Variants in TENM3 observed in about 807,000 individuals in gnomAD.
The protein encoded by TENM3 is teneurin transmembrane protein 3.
TENM3 carries 63 observed loss-of-function variants against 255.1 expected under a neutral mutation model. The ratio of observed to expected loss-of-function variants is 0.25; its 90% CI spans 0.20 to 0.30. The LOEUF is 0.30. Among genes scored for constraint, TENM3 ranks in the 10% least tolerant of loss-of-function variants. The pLI, the probability that TENM3 is intolerant of heterozygous loss-of-function variation, is 1.00. For missense variants in TENM3, 2,929 were observed against 3,461.1 expected (o/e 0.85, Z 3.86); for synonymous variants, 1,306 against 1,322.3 (o/e 0.99, Z 0.27).
At chr4:182,272,022 C>A (rs991134768) in intron 1 of TENM3, among the ~76,000 whole-genome samples, 1 of 152,204 alleles carries the variant, frequency 6.6e-6, no homozygotes, top group Non-Finnish European at 1.5e-5. Context: ...TGTCTCCACA[C>A]AGCTCTCAAC....
the TENM3 span, among the ~76,000 whole-genome samples, chr4:181,637,997 G>A: frequency 1.3e-5 from 2 of 152,140 alleles, no homozygotes; most frequent in Non-Finnish European, 2.9e-5. Flanking sequence ...CCACACGCAG[G>A]CATTTTCTTG....
chr4:182,279,828 G>T (rs1760257450), intron 1 of TENM3, among the ~76,000 whole-genome samples: 1 of 152,122 alleles, frequency 6.6e-6, no homozygotes, highest in South Asian at 2.1e-4. Flanking sequence ...TGTCCCTGTA[G>T]AATACTTTTG....
In TENM3 at chr4:182,520,288, A is replaced by G. The variant is rs865925321; in HGVS notation, c.512-80636A>G. Reference sequence around the variant, plus strand: ...AAAATCAATTGTATTTCTACATTGTAGCAACAAACAGTCTGAAAACAAAAT... The same window carrying G: ...AAAATCAATTGTATTTCTACATTGTGGCAACAAACAGTCTGAAAACAAAAT... On this transcript the variant is annotated intron_variant, in intron 3 of 27. Coordinates refer to ENST00000511685, the MANE Select transcript of TENM3 (RefSeq NM_001080477.4). Among the ~76,000 whole-genome samples, 120 of 152,300 alleles carry G rather than the reference A, an allele frequency of 7.9e-4. 1 individual carries two copies. The Middle Eastern group carries it at 0.014, about 17-fold the overall frequency.
chr4:182,257,284 T>A (rs1758466150), intron 1 of TENM3, among the ~76,000 whole-genome samples: 1 of 152,202 alleles, frequency 6.6e-6, no homozygotes, highest in Non-Finnish European at 1.5e-5. Flanking sequence ...TGCATTCACG[T>A]GTAACAGATA....
At chr4:182,622,871 A>G (rs188990516) in intron 4 of TENM3, among the ~76,000 whole-genome samples, 11 of 152,348 alleles carry the variant, frequency 7.2e-5, no homozygotes, top group Admixed American at 5.2e-4. Flanking sequence ...TAGAGTTTAC[A>G]TTCTAATGGG....
chr4:182,769,232 C>T (rs1763969648), intron 22 of TENM3, among the ~76,000 whole-genome samples: 1 of 152,124 alleles, frequency 6.6e-6, no homozygotes. Flanking sequence ...CATTGGTTTT[C>T]TTCTTTTGTG....
chr4:182,717,031 A>G (rs528292518), intron 13 of TENM3, among the ~76,000 whole-genome samples: 1 of 147,800 alleles, frequency 6.8e-6, no homozygotes, highest in South Asian at 2.3e-4. Flanking sequence ...AAGAAGAGCA[A>G]AGGAAGTTGC....
At chr4:182,384,503 T>G (rs1767778442) in intron 3 of TENM3, among the ~76,000 whole-genome samples, 1 of 152,178 alleles carries the variant, frequency 6.6e-6, no homozygotes, top group African/African-American at 2.4e-5. Flanking sequence ...AAAGTAGCCC[T>G]TGAACAAGCT....
the TENM3 span, among the ~76,000 whole-genome samples, chr4:181,630,626 A>G: frequency 6.6e-6 from 1 of 152,162 alleles, no homozygotes; most frequent in South Asian, 2.1e-4. Context: ...CAGGTTGTTC[A>G]GTTTCCATGC....
In TENM3 at chr4:182,303,703, A is replaced by T. The variant is rs184892626; in HGVS notation, c.-75-20243A>T. Among the ~76,000 whole-genome samples, 5 of 152,304 alleles carry T rather than the reference A, an allele frequency of 3.3e-5. No individual in the cohort carries two copies. The East Asian group carries it at 7.7e-4, about 24-fold the overall frequency. On this transcript the variant is annotated intron_variant, in intron 1 of 27. Coordinates refer to ENST00000511685, the MANE Select transcript of TENM3 (RefSeq NM_001080477.4). ...GTAAAAACAAGTTATTAAAAGAACC[A>T]ACCTTCTAAGTTTGTTGTAGAATTT...
chr4:181,695,708 C>A, the TENM3 span, among the ~76,000 whole-genome samples: 1 of 152,086 alleles, frequency 6.6e-6, no homozygotes, highest in African/African-American at 2.4e-5. Context: ...ACTTCTAAGC[C>A]AGAACAGACA....
the TENM3 span, among the ~76,000 whole-genome samples, chr4:181,806,124 C>A: frequency 6.6e-6 from 1 of 152,198 alleles, no homozygotes; most frequent in Non-Finnish European, 1.5e-5. Context: ...GTATAAAGAA[C>A]TTGATAAAAT....
chr4:181,650,497 G>A, the TENM3 span, among the ~76,000 whole-genome samples: 551 of 152,214 alleles, frequency 3.6e-3, 4 homozygotes, highest in African/African-American at 0.013. Flanking sequence ...ATTTGGAGAC[G>A]GGGTGTTCAT....
intron 3 of TENM3, among the ~76,000 whole-genome samples, chr4:182,354,622 A>G (rs1195984534): frequency 1.3e-5 from 2 of 152,194 alleles, no homozygotes; most frequent in African/African-American, 4.8e-5. Flanking sequence ...ATACATGATT[A>G]TCTTGTACAT....
chr4:181,799,960 G>A, the TENM3 span, among the ~76,000 whole-genome samples: 1 of 152,156 alleles, frequency 6.6e-6, no homozygotes, highest in Non-Finnish European at 1.5e-5. Context: ...GGAGACAGGC[G>A]AACTGGAAAG....
At chr4:182,736,748 T>C (rs528597412) in intron 16 of TENM3, 60 bp from the exon 17 acceptor site, 1 of 1,427,108 alleles carries the variant, frequency 7.0e-7, no homozygotes, top group South Asian at 1.4e-5. Context: ...TACATAAATA[T>C]ATTTTATCTA....
intron 3 of TENM3, among the ~76,000 whole-genome samples, chr4:182,413,025 T>C (rs1213493152): frequency 4.6e-5 from 7 of 151,992 alleles, no homozygotes; most frequent in African/African-American, 1.7e-4. Context: ...TATGTTGACC[T>C]GACAAGTAGT....
chr4:181,526,806 TTCTC>T, the TENM3 span, among the ~76,000 whole-genome samples: 3 of 152,218 alleles, frequency 2.0e-5, no homozygotes, highest in South Asian at 6.2e-4. Context: ...TCCTCTAAAT[TTCTC>T]TCCAGAATGT....
the TENM3 span, among the ~76,000 whole-genome samples, chr4:181,500,036 C>G: frequency 4.7e-5 from 7 of 148,464 alleles, no homozygotes; most frequent in African/African-American, 1.8e-4. Context: ...ACAAAATCCA[C>G]TTTTTTTTTG....
Sources: gnomAD v4.1 joint callset for allele counts (sites outside exome capture counted in the v4.1 genomes callset) on GRCh38, gnomAD v4.1.1 for gene constraint, MANE v1.5 for transcripts, NCBI Gene and HGNC (gene_info 2026-07-23, HGNC 2026-07-21) for gene names.